The following UBAP2 variants were observed in gnomAD, a reference collection of about 807,000 sequenced individuals.
The protein encoded by UBAP2 is ubiquitin associated protein 2.
Under a neutral mutation model 139.6 loss-of-function variants are expected in UBAP2, and 75 were observed. The observed-to-expected ratio is 0.54, with a 90% CI of 0.45 to 0.65. UBAP2 has a LOEUF of 0.65. UBAP2 is among the 30% of genes least tolerant of loss of function. The pLI is 0.00. For missense variants in UBAP2, 1,368 were observed against 1,369.6 expected (o/e 1.00, Z 0.02); for synonymous variants, 526 against 526.2 (o/e 1.00, Z 0.01).
At position 33,994,259 on chromosome 9, in the gene UBAP2, G is replaced by C. The variant is rs527682243; in HGVS notation, c.288+1964C>G. On this transcript the variant is annotated intron_variant, in intron 4 of 28. Transcript: ENST00000379238. ...AGGTTCGGTCCCAAAGGAGGAGGGG[G>C]TGTTAAAACTCAAAACAGAAAGAGA... 2.6e-5 allele frequency among the ~76,000 whole-genome samples: 4 copies of C among 152,182 alleles called. No individual in the cohort carries two copies. In the East Asian group the frequency reaches 7.7e-4, roughly 29 times the overall value.
chr9:34,034,031 C>A (rs983203324), intron 1 of UBAP2, among the ~76,000 whole-genome samples: 1 of 152,078 alleles, frequency 6.6e-6, no homozygotes, highest in South Asian at 2.1e-4. Context: ...CCACCACGCC[C>A]GGCTTCAAAT....
chr9:33,964,074 A>C (rs1171109886), intron 8 of UBAP2, among the ~76,000 whole-genome samples: 1 of 152,188 alleles, frequency 6.6e-6, no homozygotes, highest in Non-Finnish European at 1.5e-5. Flanking sequence ...TAATCTGTTC[A>C]ACAGGTACCA....
chr9:33,971,757 G>A lies in UBAP2; in HGVS notation c.576-3C>T. ...AATAGTCTGCAGGATTAAATGTCCT[G>A]GGGTTTGAAATAAAGAAATAATAAA... On this transcript the variant is annotated splice_polypyrimidine_tract_variant and splice_region_variant and intron_variant, in intron 7 of 28. Coordinates refer to ENST00000379238, the MANE Select transcript of UBAP2 (RefSeq NM_001370062.2). The A allele has an allele frequency of 1.3e-6, 2 of 1,565,620 alleles. No individual in the cohort carries two copies.
At chr9:34,043,265 A>G (rs1373202034) in intron 1 of UBAP2, among the ~76,000 whole-genome samples, 1 of 152,040 alleles carries the variant, frequency 6.6e-6, no homozygotes, top group Non-Finnish European at 1.5e-5. Context: ...TCAACCACCC[A>G]GGCTTAAGCA....
chr9:33,941,110 C>G lies in UBAP2; in HGVS notation c.1929+539G>C, dbSNP rs73477259. Among the ~76,000 whole-genome samples the G allele has an allele frequency of 3.4e-3, 513 of 152,230 alleles. 2 individuals are homozygous for G. Among genetic ancestry groups the G allele is most frequent in the Admixed American group, 4.4e-3 (67 of 15,284 alleles). On this transcript the variant is annotated intron_variant, in intron 16 of 28. Coordinates refer to ENST00000379238, the MANE Select transcript of UBAP2 (RefSeq NM_001370062.2). ...ATTCTCAGGAGATATTGGTACATCT[C>G]AACTTAACAGAAAGCAATACAACTG...
chr9:34,045,011 T>C (rs1244893971), intron 1 of UBAP2, among the ~76,000 whole-genome samples: 2 of 151,944 alleles, frequency 1.3e-5, no homozygotes. Flanking sequence ...AGCATGAAAA[T>C]TAGTTATCAA....
At chr9:33,925,314 T>G (rs307695) in intron 22 of UBAP2, among the ~76,000 whole-genome samples, 6,168 of 152,142 alleles carry the variant, frequency 0.041, 272 homozygotes, top group African/African-American at 0.1. Flanking sequence ...GCTGCACAAC[T>G]GAGGACGGGA....
Position 34,004,599 on chromosome 9 carries a change from G to A in UBAP2, c.100-5735C>T, listed in dbSNP as rs145305219. ...AGATCGAGACCATCCTGGCTAACAC[G>A]GTGAAACCCCGTCTCTACTAAAAAA... On this transcript the variant is annotated intron_variant, in intron 2 of 28. Coordinates refer to ENST00000379238, the MANE Select transcript of UBAP2 (RefSeq NM_001370062.2). Among the ~76,000 whole-genome samples, 891 of 151,432 alleles carry A rather than the reference G, an allele frequency of 5.9e-3. 6 individuals carry two copies. Among genetic ancestry groups the A allele is most frequent in the African/African-American group, 0.02 (839 of 41,262 alleles).
At position 33,986,759 on chromosome 9, in the gene UBAP2, C is replaced by CCT; in HGVS notation, c.519_520dup (p.Gly174GlufsTer40). ...TTTTCTTCCCTCTTACTCTAGCTTA[C>CCT]CTCTACCCCGGGCTCGCTTGCCACG... On this transcript the variant is annotated frameshift_variant and splice_region_variant. Transcript: ENST00000379238. LOFTEE classifies it high-confidence loss of function. 6.2e-7 allele frequency: 1 copy of CCT among 1,613,932 alleles called. No individual in the cohort carries two copies. Among genetic ancestry groups the CCT allele is most frequent in the Non-Finnish European group, 8.5e-7 (1 of 1,179,870 alleles).
At chr9:33,939,720 A>T in intron 16 of UBAP2, among the ~76,000 whole-genome samples, 1 of 124,302 alleles carries the variant, frequency 8.0e-6, no homozygotes, top group Non-Finnish European at 1.7e-5. Flanking sequence ...CTGTATCAAA[A>T]TGAAGAAGAG....
At chr9:34,013,177 G>A (rs4584235) in intron 2 of UBAP2, among the ~76,000 whole-genome samples, 86,085 of 137,934 alleles carry the variant, frequency 0.62, 26,466 homozygotes, top group East Asian at 0.82. Context: ...AAAAAAAAGA[G>A]GTTAAAGGAG....
Position 33,998,788 on chromosome 9 carries a change from T to C in UBAP2, c.176A>G (p.Gln59Arg). ...TGATATCCTTTGCCAGAAACATACC[T>C]GCTTAACTTTAGCTTCAAAATCTGA... ...NDSDFEAKVK[Q>R]LMEVTGKNQD... Residue 59 changes from glutamine to arginine, a missense_variant and splice_region_variant, in exon 3 of 29, where the codon CAG becomes CGG. Gln to Arg is a conservative substitution (Grantham distance 43). Coordinates refer to ENST00000379238, the MANE Select transcript of UBAP2 (RefSeq NM_001370062.2). The C allele has an allele frequency of 6.2e-7, 1 of 1,611,672 alleles. No homozygotes were observed. The highest frequency in any genetic ancestry group is 1.7e-5 in the Admixed American group (1 of 59,900).
chr9:33,962,183 A>G (rs1336943511), intron 9 of UBAP2, among the ~76,000 whole-genome samples: 1 of 152,220 alleles, frequency 6.6e-6, no homozygotes, highest in East Asian at 1.9e-4. Context: ...AAAAACCTAC[A>G]TAAAAAATAT....
chr9:33,943,981 C>T (rs1362713957), intron 14 of UBAP2, among the ~76,000 whole-genome samples: 9 of 151,948 alleles, frequency 5.9e-5, no homozygotes, highest in South Asian at 4.2e-4. Flanking sequence ...AAGAGCAATG[C>T]GGGGGAGTTG....
intron 6 of UBAP2, among the ~76,000 whole-genome samples, chr9:33,976,496 C>G (rs1828356052): frequency 6.6e-6 from 1 of 152,126 alleles, no homozygotes; most frequent in Admixed American, 6.6e-5. Flanking sequence ...CCTACAGAAA[C>G]AGAAAGGCGA....
At position 33,923,480 on chromosome 9, in the gene UBAP2, TG is replaced by T. The variant is rs777532369; in HGVS notation, c.2797-3del. The T allele has an allele frequency of 6.2e-6, 10 of 1,613,498 alleles. No individual in the cohort carries two copies. Among genetic ancestry groups the T allele is most frequent in the East Asian group, 4.5e-5 (2 of 44,860 alleles). ...TTGCTTGGCTGAGGCTGGAGGGACC[TG>T]GGGGGGCAAGCAGATGAGGTATTAG... On this transcript the variant is annotated splice_polypyrimidine_tract_variant and splice_region_variant and intron_variant, in intron 24 of 28. Coordinates refer to ENST00000379238, the MANE Select transcript of UBAP2 (RefSeq NM_001370062.2).
chr9:34,034,635 G>A (rs1404531923), intron 1 of UBAP2, among the ~76,000 whole-genome samples: 1 of 152,190 alleles, frequency 6.6e-6, no homozygotes, highest in African/African-American at 2.4e-5. Context: ...AGCACTTTGG[G>A]AGGCACAGGC....
At chr9:34,039,218 C>T (rs1299101910) in intron 1 of UBAP2, among the ~76,000 whole-genome samples, 1 of 150,140 alleles carries the variant, frequency 6.7e-6, no homozygotes, top group Non-Finnish European at 1.5e-5. Context: ...CGGCCAGCCG[C>T]CCCGTTGGGG....
chr9:34,018,164 T>TA (rs770885388), intron 1 of UBAP2, among the ~76,000 whole-genome samples: 177 of 138,404 alleles, frequency 1.3e-3, no homozygotes, highest in South Asian at 5.9e-3. Flanking sequence ...CACCTCAATT[T>TA]AAAAAAAAAA....
Sources: allele counts gnomAD v4.1 joint callset (sites outside exome capture counted in the v4.1 genomes callset), GRCh38; gene constraint gnomAD v4.1.1; transcripts MANE v1.5; gene names NCBI Gene and HGNC (gene_info 2026-07-23, HGNC 2026-07-21).